Variants in SLC17A8 observed in about 807,000 individuals in gnomAD.
The protein encoded by SLC17A8 is vesicular glutamate transporter 3.
In SLC17A8, 31 loss-of-function variants were observed where a neutral mutation model predicts 58.0. The observed-to-expected ratio is 0.53, with a 90% CI of 0.40 to 0.72. The LOEUF is 0.72. Among genes scored for constraint, SLC17A8 ranks in the 30% least tolerant of loss-of-function variants. The probability of loss-of-function intolerance (pLI) is 0.00; values close to 1 mark genes in which losing one functional copy is unlikely to be tolerated. For missense variants in SLC17A8, 655 were observed against 727.8 expected, an observed-to-expected ratio of 0.90 and a Z score of 1.15; for synonymous variants, 228 against 249.0, an observed-to-expected ratio of 0.92 and a Z score of 0.79.
chr12:100,360,245 TAGAAAGC>T (rs969344027), intron 1 of SLC17A8, among the ~76,000 whole-genome samples: 3 of 152,202 alleles, frequency 2.0e-5, no homozygotes, highest in Admixed American at 1.3e-4. Flanking sequence ...ATAGATGACA[TAGAAAGC>T]ATTAAACTTG....
Position 100,380,835 on chromosome 12 carries a change from C to T in SLC17A8, c.236C>T (p.Ala79Val). The T allele has an allele frequency of 1.2e-6, 2 of 1,614,154 alleles. No individual in the cohort carries two copies. The highest frequency in any genetic ancestry group is 1.7e-6 in the Non-Finnish European group (2 of 1,180,046). ...GGCCTCCCCAAGCGTTACATCATTG[C>T]TATCATGAGTGGGCTGGGATTCTGC... ...CCGLPKRYII[A>V]IMSGLGFCIS... The change falls in exon 2 of 12, where the codon GCT becomes GTT. Residue 79 changes from alanine (A) to valine (V), a missense_variant. Coordinates refer to ENST00000323346, the MANE Select transcript of SLC17A8 (RefSeq NM_139319.3).
Position 100,380,709 on chromosome 12 carries a change from A to G in SLC17A8, c.110A>G (p.Asp37Gly), listed in dbSNP as rs760003512. The change falls in exon 2 of 12, where the codon GAT becomes GGT. Residue 37 changes from aspartate to glycine, a missense_variant. By Grantham distance (94) the Asp-to-Gly change is moderately conservative. Coordinates refer to ENST00000323346, the MANE Select transcript of SLC17A8 (RefSeq NM_139319.3). ...TCCTTTTTCCCATGTAGAAAAATCG[A>G]TGGGACAACTGAGGAAGAAGATAAC... ...DSLGILQRKIDGTTEEEDNIE... is the reference protein window; with the variant it reads ...DSLGILQRKIGGTTEEEDNIE... The G allele has an allele frequency of 9.9e-6, 16 of 1,613,650 alleles. No individual in the cohort carries two copies. In the East Asian group the frequency reaches 3.3e-4, roughly 34 times the overall value.
At chr12:100,413,467 T>A (rs996224855) in intron 10 of SLC17A8, among the ~76,000 whole-genome samples, 21 of 152,128 alleles carry the variant, frequency 1.4e-4, no homozygotes, top group Admixed American at 9.8e-4. Context: ...TGCCAGGGAA[T>A]ATTCCATGAG....
Position 100,404,145 on chromosome 12 carries a change from T to C in SLC17A8, c.1161T>C (p.Ala387=). ...GCAGACAAATTTTAACCACAACTGC[T>C]GTCAGAAAAATCATGAACTGTGGAG... The part of the protein sequence containing the change: ...LRSRQILTTT[A]VRKIMNCGGF... Residue 387 remains alanine, a synonymous_variant, in exon 9 of 12, where the codon GCT becomes GCC. Coordinates refer to ENST00000323346, the MANE Select transcript of SLC17A8 (RefSeq NM_139319.3). 6.2e-7 allele frequency: 1 copy of C among 1,614,226 alleles called. No individual in the cohort carries two copies. The highest frequency in any genetic ancestry group is 8.5e-7 in the Non-Finnish European group (1 of 1,180,036).
Position 100,404,022 on chromosome 12 carries a change from T to A in SLC17A8, c.1054-16T>A. 1 of 1,614,070 alleles carries A rather than the reference T, an allele frequency of 6.2e-7. No individual in the cohort carries two copies. Among genetic ancestry groups the A allele is most frequent in the Non-Finnish European group, 8.5e-7 (1 of 1,179,998 alleles). On this transcript the variant is annotated splice_polypyrimidine_tract_variant and intron_variant, in intron 8 of 11. Coordinates refer to ENST00000323346, the MANE Select transcript of SLC17A8 (RefSeq NM_139319.3). Reference sequence around the variant, plus strand: ...AGAAATAATGACAAACTGCTTACTGTTTCTTTCCCTTCCAGGTGGGTCTCT... The same window carrying A: ...AGAAATAATGACAAACTGCTTACTGATTCTTTCCCTTCCAGGTGGGTCTCT...
intron 1 of SLC17A8, among the ~76,000 whole-genome samples, chr12:100,359,267 A>G (rs1461709637): frequency 1.3e-5 from 2 of 152,176 alleles, no homozygotes; most frequent in African/African-American, 2.4e-5. Context: ...TTTCAACCTT[A>G]AGTTTAATTG....
intron 5 of SLC17A8, among the ~76,000 whole-genome samples, chr12:100,400,238 C>T (rs1952781879): frequency 6.6e-6 from 1 of 152,164 alleles, no homozygotes; most frequent in East Asian, 1.9e-4. Flanking sequence ...CCTATCTCCA[C>T]GCACAGCAGA....
chr12:100,386,589 C>T (rs1952676046), intron 2 of SLC17A8, among the ~76,000 whole-genome samples: 1 of 152,056 alleles, frequency 6.6e-6, no homozygotes, highest in African/African-American at 2.4e-5. Context: ...GCTCATTTCA[C>T]TGAGTGTAAT....
At chr12:100,363,701 C>T (rs1277554380) in intron 1 of SLC17A8, among the ~76,000 whole-genome samples, 1 of 151,996 alleles carries the variant, frequency 6.6e-6, no homozygotes, top group Non-Finnish European at 1.5e-5. Flanking sequence ...ACCTTACCCT[C>T]CCAGGGTTTC....
At chr12:100,390,113 A>C (rs1271149963) in intron 2 of SLC17A8, among the ~76,000 whole-genome samples, 1 of 151,782 alleles carries the variant, frequency 6.6e-6, no homozygotes. Context: ...GAGCCATTGC[A>C]CCTGGCCTAG....
intron 2 of SLC17A8, among the ~76,000 whole-genome samples, chr12:100,389,804 GTATTAT>G (rs144239177): frequency 0.025 from 3,494 of 142,410 alleles, 43 homozygotes; most frequent in Non-Finnish European, 0.029. Flanking sequence ...GGCTAGATTT[GTATTAT>G]TATTATTATT....
chr12:100,377,968 A>AT (rs913196189), intron 1 of SLC17A8, among the ~76,000 whole-genome samples: 3 of 151,462 alleles, frequency 2.0e-5, no homozygotes, highest in East Asian at 1.9e-4. Flanking sequence ...TCAGGAATTA[A>AT]TTTTTTTTTA....
intron 9 of SLC17A8, among the ~76,000 whole-genome samples, chr12:100,404,681 T>G (rs1309217058): frequency 6.6e-6 from 1 of 152,248 alleles, no homozygotes; most frequent in African/African-American, 2.4e-5. Flanking sequence ...AAAACTCATC[T>G]TTTTTGTTTA....
chr12:100,397,333 G>A (rs961123029), intron 5 of SLC17A8, among the ~76,000 whole-genome samples: 2 of 152,058 alleles, frequency 1.3e-5, no homozygotes, highest in African/African-American at 2.4e-5. Flanking sequence ...CTTACTTCAC[G>A]CTCCTACCAT....
intron 9 of SLC17A8, among the ~76,000 whole-genome samples, chr12:100,408,746 A>G (rs1028888443): frequency 1.3e-5 from 2 of 152,172 alleles, no homozygotes; most frequent in Non-Finnish European, 2.9e-5. Flanking sequence ...GACTTTCTGC[A>G]TGCTTCTGTT....
At chr12:100,400,693 G>C (rs1952784812) in intron 5 of SLC17A8, among the ~76,000 whole-genome samples, 1 of 152,104 alleles carries the variant, frequency 6.6e-6, no homozygotes, top group African/African-American at 2.4e-5. Flanking sequence ...TGAAGCAAGA[G>C]TTTTTTCATT....
intron 1 of SLC17A8, among the ~76,000 whole-genome samples, chr12:100,357,757 T>C (rs1388009840): frequency 6.6e-6 from 1 of 152,226 alleles, no homozygotes; most frequent in Non-Finnish European, 1.5e-5. Context: ...GATGATGATA[T>C]TGCATATGGT....
intron 1 of SLC17A8, among the ~76,000 whole-genome samples, chr12:100,358,793 C>A (rs1303380081): frequency 6.6e-6 from 1 of 152,154 alleles, no homozygotes; most frequent in Admixed American, 6.5e-5. Flanking sequence ...ATAATAAGCA[C>A]GATAGCTTAA....
In SLC17A8 at chr12:100,372,322, G is replaced by A. The variant is rs187498938; in HGVS notation, c.102-8379G>A. 1.3e-3 allele frequency among the ~76,000 whole-genome samples: 200 copies of A among 152,106 alleles called. 1 individual carries two copies. The highest frequency in any genetic ancestry group is 3.7e-3 in the Admixed American group (56 of 15,282). ...TTTCCTCTATGCATATGCATCCCTG[G>A]TGTCTCTGTGTGTCCAAGTCTCTTT... On this transcript the variant is annotated intron_variant, in intron 1 of 11. Transcript: ENST00000323346.
Sources: gnomAD v4.1 joint callset for allele counts (sites outside exome capture counted in the v4.1 genomes callset) on GRCh38, gnomAD v4.1.1 for gene constraint, MANE v1.5 for transcripts, NCBI Gene and HGNC (gene_info 2026-07-23, HGNC 2026-07-21) for gene names.